The following CNTN4 variants were observed in gnomAD, a reference collection of about 807,000 sequenced individuals.
CNTN4 encodes contactin 4.
In CNTN4, 77 loss-of-function variants were observed where a neutral mutation model predicts 122.5. That is an observed-to-expected ratio of 0.63 (90% CI 0.52 to 0.76). The LOEUF is 0.76. Ranked by LOEUF, CNTN4 falls within the 30% of genes least tolerant of loss-of-function variation. The pLI, the probability that CNTN4 is intolerant of heterozygous loss-of-function variation, is 0.00. For synonymous variants in CNTN4, 512 were observed against 447.0 expected, an observed-to-expected ratio of 1.15 and a Z score of -1.83; for missense variants, 1,256 against 1,259.1, an observed-to-expected ratio of 1.00 and a Z score of 0.04.
chr3:2,224,696 C>G (rs2039198745), intron 2 of CNTN4, among the ~76,000 whole-genome samples: 1 of 152,138 alleles, frequency 6.6e-6, no homozygotes, highest in African/African-American at 2.4e-5. Context: ...CACAATGCTT[C>G]TAACATCCTA....
At chr3:2,844,127 G>GT (rs935210513) in intron 7 of CNTN4, among the ~76,000 whole-genome samples, 1 of 152,126 alleles carries the variant, frequency 6.6e-6, no homozygotes, top group African/African-American at 2.4e-5. Context: ...TTGAATGTGA[G>GT]TCCCCCAGAT....
chr3:2,817,410 G>T (rs1483328066), intron 6 of CNTN4, among the ~76,000 whole-genome samples: 1 of 152,272 alleles, frequency 6.6e-6, no homozygotes, highest in South Asian at 2.1e-4. Flanking sequence ...TATAGGTAGG[G>T]TTTATCATCT....
At chr3:2,877,733 G>C (rs1410507959) in intron 8 of CNTN4, among the ~76,000 whole-genome samples, 1 of 152,140 alleles carries the variant, frequency 6.6e-6, no homozygotes, top group African/African-American at 2.4e-5. Context: ...GCCTACTTCT[G>C]TAAATCACTA....
At chr3:2,395,291 C>G (rs970100022) in intron 3 of CNTN4, among the ~76,000 whole-genome samples, 1 of 152,020 alleles carries the variant, frequency 6.6e-6, no homozygotes. Context: ...ACATACAACA[C>G]CAGGATAGGG....
chr3:2,194,021 T>C (rs1340296467), intron 2 of CNTN4, among the ~76,000 whole-genome samples: 1 of 151,690 alleles, frequency 6.6e-6, no homozygotes, highest in Non-Finnish European at 1.5e-5. Context: ...TGTGTGACTC[T>C]TTTCAGTTCA....
chr3:2,820,213 T>C (rs1006989003), intron 7 of CNTN4, among the ~76,000 whole-genome samples: 1 of 152,194 alleles, frequency 6.6e-6, no homozygotes, highest in South Asian at 2.1e-4. Flanking sequence ...GGCTATAAAG[T>C]GGGACTCCCA....
chr3:2,814,883 A>T (rs78800827), intron 6 of CNTN4, among the ~76,000 whole-genome samples: 1,581 of 152,340 alleles, frequency 0.01, 37 homozygotes, highest in African/African-American at 0.036. Context: ...TAAGAAAAGT[A>T]CTTGGCCACA....
At chr3:2,816,443 G>C (rs1055178630) in intron 6 of CNTN4, among the ~76,000 whole-genome samples, 1 of 151,888 alleles carries the variant, frequency 6.6e-6, no homozygotes, top group Non-Finnish European at 1.5e-5. Flanking sequence ...GTGGGAAGTG[G>C]GGCAAGGGAT....
intron 7 of CNTN4, among the ~76,000 whole-genome samples, chr3:2,855,653 GACCT>G (rs2093610449): frequency 1.3e-5 from 2 of 152,288 alleles, no homozygotes; most frequent in South Asian, 4.1e-4. Context: ...ACTGTGATCT[GACCT>G]GTGTCCAGGT....
chr3:2,775,121 T>A (rs561392820), intron 6 of CNTN4, among the ~76,000 whole-genome samples: 4 of 152,368 alleles, frequency 2.6e-5, no homozygotes, highest in African/African-American at 7.2e-5. Flanking sequence ...AAGGCATTAA[T>A]CTTGTATGAT....
intron 3 of CNTN4, among the ~76,000 whole-genome samples, chr3:2,477,564 A>T (rs764699032): frequency 6.6e-6 from 1 of 152,168 alleles, no homozygotes; most frequent in Non-Finnish European, 1.5e-5. Context: ...GAAAGCACCT[A>T]GTCAGGATTG....
At chr3:2,873,693 A>G (rs2093811922) in intron 8 of CNTN4, among the ~76,000 whole-genome samples, 2 of 152,192 alleles carry the variant, frequency 1.3e-5, no homozygotes, top group Admixed American at 1.3e-4. Flanking sequence ...TTTCTTCATG[A>G]AAAGGGAGCT....
At chr3:2,652,902 T>C (rs1193969585) in intron 4 of CNTN4, among the ~76,000 whole-genome samples, 1 of 152,204 alleles carries the variant, frequency 6.6e-6, no homozygotes, top group African/African-American at 2.4e-5. Flanking sequence ...TTCCTCTGAA[T>C]ATTTCAAGTG....
At chr3:2,368,723 G>C (rs760682941) in intron 3 of CNTN4, among the ~76,000 whole-genome samples, 16 of 152,100 alleles carry the variant, frequency 1.1e-4, no homozygotes, top group Non-Finnish European at 1.8e-4. Flanking sequence ...TGCATTAGGA[G>C]ATCATTATTG....
chr3:2,905,759 A>G (rs1311335121), intron 12 of CNTN4, among the ~76,000 whole-genome samples: 1 of 152,208 alleles, frequency 6.6e-6, no homozygotes, highest in Non-Finnish European at 1.5e-5. Context: ...GGAATTCAGG[A>G]AAGGGAATTT....
intron 12 of CNTN4, among the ~76,000 whole-genome samples, chr3:2,924,136 G>T (rs2094452267): frequency 6.6e-6 from 1 of 151,640 alleles, no homozygotes; most frequent in South Asian, 2.1e-4. Context: ...TACATTGCAT[G>T]GCCCTATTAA....
intron 4 of CNTN4, among the ~76,000 whole-genome samples, chr3:2,708,840 CAGTTTTTATGTTG>C (rs1462120085): frequency 4.6e-5 from 7 of 152,108 alleles, no homozygotes; most frequent in Non-Finnish European, 1.0e-4. Flanking sequence ...TACACAAATG[CAGTTTTTATGTTG>C]AAGATAAATC....
intron 6 of CNTN4, among the ~76,000 whole-genome samples, chr3:2,781,258 C>G (rs1262818752): frequency 6.6e-6 from 1 of 152,162 alleles, no homozygotes; most frequent in African/African-American, 2.4e-5. Context: ...CTTCATTCCT[C>G]CTTTTGAAAC....
At chr3:2,717,631 A>G (rs1184705878) in intron 4 of CNTN4, among the ~76,000 whole-genome samples, 1 of 152,108 alleles carries the variant, frequency 6.6e-6, no homozygotes, top group African/African-American at 2.4e-5. Context: ...AAAACATCAA[A>G]CCTGGGGTTG....
Sources: gnomAD v4.1 joint callset for allele counts (sites outside exome capture counted in the v4.1 genomes callset) on GRCh38, gnomAD v4.1.1 for gene constraint, MANE v1.5 for transcripts, NCBI Gene and HGNC (gene_info 2026-07-23, HGNC 2026-07-21) for gene names.